SV2C: variants seen among roughly 807,000 people sequenced by gnomAD.
SV2C encodes synaptic vesicle glycoprotein 2C.
SV2C carries 49 observed loss-of-function variants against 79.7 expected under a neutral mutation model. The ratio of observed to expected loss-of-function variants is 0.61; its 90% confidence interval spans 0.49 to 0.78. SV2C has a LOEUF of 0.78. Ranked by LOEUF, SV2C falls within the 30% of genes least tolerant of loss-of-function variation. The pLI, the probability that SV2C is intolerant of heterozygous loss-of-function variation, is 0.00. For synonymous variants in SV2C, 334 were observed against 333.2 expected, an observed-to-expected ratio of 1.00 and a Z score of -0.03; for missense variants, 833 against 912.9, an observed-to-expected ratio of 0.91 and a Z score of 1.13.
At chr5:76,091,736 G>T (rs1412001330) in intron 1 of SV2C, 1 of 151,536 alleles carries the variant, frequency 6.6e-6, no homozygotes, top group Admixed American at 6.6e-5. Context: ...GTTCCCAGGT[G>T]GTCTTCCACT....
the SV2C span, among the ~76,000 whole-genome samples, chr5:75,941,773 C>T: frequency 1.3e-5 from 2 of 152,302 alleles, no homozygotes; most frequent in African/African-American, 4.8e-5. Context: ...TCCTTTCTTT[C>T]TCCAAGGTAG....
At chr5:76,324,402 C>G (rs1748921074) in intron 12 of SV2C, among the ~76,000 whole-genome samples, 1 of 152,248 alleles carries the variant, frequency 6.6e-6, no homozygotes, top group Non-Finnish European at 1.5e-5. Context: ...ATATCACCCT[C>G]TCCACCCTTT....
rs1347595735 is a variant in SV2C, at chr5:76,332,451, T to C, written c.*6904T>C. 4 of 152,260 alleles carry C rather than the reference T, an allele frequency of 2.6e-5. No individual in the cohort carries two copies. Among genetic ancestry groups the C allele is most frequent in the South Asian group, 2.1e-4 (1 of 4,814 alleles). 9.4% of individuals were successfully genotyped at this position (152,260 alleles called of 1,614,324 possible). A position where few individuals can be genotyped will look rare whatever the true frequency, so the allele number is the denominator to read the frequency against. On this transcript the variant is annotated 3_prime_UTR_variant, in exon 13 of 13. Coordinates refer to ENST00000502798, the MANE Select transcript of SV2C (RefSeq NM_014979.4). ...ACTTTTGAGAGTCAGTTGAGAAACA[T>C]AGCTATTACTAAAAAATTAAATAAG...
rs79031441 is a variant in SV2C at position 76,146,963 on chromosome 5, T to C, written c.580+14633T>C. Among the ~76,000 whole-genome samples the C allele has an allele frequency of 3.1e-4, 47 of 152,212 alleles. No individual in the cohort carries two copies. In the East Asian group the frequency reaches 9.1e-3, roughly 29 times the overall value. On this transcript the variant is annotated intron_variant, in intron 2 of 12. Coordinates refer to ENST00000502798, the MANE Select transcript of SV2C (RefSeq NM_014979.4). The stretch of plus-strand genomic sequence containing the variant: ...CACACACAAAGGGACAAATATTGCC[T>C]ATGAATTATCTAGAATAGGCAAACT...
At chr5:75,851,361 A>T in the SV2C span, among the ~76,000 whole-genome samples, 1 of 152,188 alleles carries the variant, frequency 6.6e-6, no homozygotes, top group African/African-American at 2.4e-5. Context: ...TTTTGAGTTT[A>T]TGTATGTCTG....
chr5:76,252,355 A>G (rs1746139958), intron 4 of SV2C, among the ~76,000 whole-genome samples: 1 of 152,176 alleles, frequency 6.6e-6, no homozygotes, highest in Admixed American at 6.5e-5. Flanking sequence ...TCCTGACCTC[A>G]GGTGATCCTA....
intron 4 of SV2C, among the ~76,000 whole-genome samples, chr5:76,228,513 C>T (rs186289670): frequency 9.9e-5 from 15 of 152,198 alleles, no homozygotes; most frequent in East Asian, 1.9e-4. Flanking sequence ...AAACCCGTAA[C>T]GGAGCAGCTA....
At chr5:75,856,611 A>G in the SV2C span, among the ~76,000 whole-genome samples, 12 of 152,156 alleles carry the variant, frequency 7.9e-5, no homozygotes, top group African/African-American at 2.9e-4. Flanking sequence ...ATGTCTATTC[A>G]GATCTTTAGT....
the SV2C span, among the ~76,000 whole-genome samples, chr5:75,975,235 C>T: frequency 5.3e-5 from 8 of 152,106 alleles, no homozygotes; most frequent in African/African-American, 1.9e-4. Flanking sequence ...CAGGTCAGAT[C>T]ACAGGAGTGC....
chr5:76,035,586 C>G, the SV2C span, among the ~76,000 whole-genome samples: 1 of 146,986 alleles, frequency 6.8e-6, no homozygotes, highest in South Asian at 2.2e-4. Context: ...ATCCTGAGTT[C>G]TAGTTTGATT....
chr5:76,039,770 A>G, the SV2C span, among the ~76,000 whole-genome samples: 8 of 151,682 alleles, frequency 5.3e-5, no homozygotes, highest in Non-Finnish European at 8.8e-5. Flanking sequence ...AAAAAAAAAA[A>G]AAAGAAAGAA....
intron 12 of SV2C, among the ~76,000 whole-genome samples, chr5:76,319,372 C>A (rs1490465575): frequency 6.6e-6 from 1 of 151,782 alleles, no homozygotes; most frequent in Non-Finnish European, 1.5e-5. Flanking sequence ...GAGCCATGAT[C>A]GCGCCACTGC....
chr5:75,901,638 C>T, the SV2C span, among the ~76,000 whole-genome samples: 116 of 152,322 alleles, frequency 7.6e-4, no homozygotes, highest in Admixed American at 5.3e-3. Flanking sequence ...GGGACATTTA[C>T]GTCTGCAGAG....
At chr5:76,127,740 C>T (rs1748757351) in intron 1 of SV2C, among the ~76,000 whole-genome samples, 1 of 152,118 alleles carries the variant, frequency 6.6e-6, no homozygotes, top group Admixed American at 6.5e-5. Flanking sequence ...ACAGGAAGCT[C>T]CTACATTCCA....
chr5:75,929,484 A>G, the SV2C span, among the ~76,000 whole-genome samples: 1 of 151,978 alleles, frequency 6.6e-6, no homozygotes, highest in Non-Finnish European at 1.5e-5. Context: ...TGCAAAGAGG[A>G]TTAAACTGCA....
At chr5:76,243,739 A>G (rs1028078924) in intron 4 of SV2C, among the ~76,000 whole-genome samples, 4 of 152,130 alleles carry the variant, frequency 2.6e-5, no homozygotes, top group Admixed American at 6.5e-5. Flanking sequence ...GTCATTTCCT[A>G]TTCTTGACCC....
At chr5:75,873,070 T>A in the SV2C span, among the ~76,000 whole-genome samples, 2 of 152,006 alleles carry the variant, frequency 1.3e-5, no homozygotes, top group African/African-American at 4.8e-5. Flanking sequence ...ATACATAAAA[T>A]TAAAAATATC....
At chr5:76,084,529 C>CTGTGGGGT (rs1357015514) in intron 1 of SV2C, among the ~76,000 whole-genome samples, 2 of 123,708 alleles carry the variant, frequency 1.6e-5, no homozygotes, top group African/African-American at 3.2e-5. Context: ...GATGAACAAT[C>CTGTGGGGT]GGGAGCAGAT....
chr5:76,236,687 A>G (rs1401203787), intron 4 of SV2C, among the ~76,000 whole-genome samples: 1 of 152,198 alleles, frequency 6.6e-6, no homozygotes, highest in Non-Finnish European at 1.5e-5. Flanking sequence ...CTACCACTGC[A>G]GGGAGAGCAT....
Sources: gnomAD v4.1 joint callset for allele counts (sites outside exome capture counted in the v4.1 genomes callset) on GRCh38, gnomAD v4.1.1 for gene constraint, MANE v1.5 for transcripts, NCBI Gene and HGNC (gene_info 2026-07-23, HGNC 2026-07-21) for gene names.